AMOTL1: variants seen among roughly 807,000 people sequenced by gnomAD.
The protein encoded by AMOTL1 is angiomotin like 1.
A neutral mutation model predicts 102.9 loss-of-function variants in AMOTL1; 45 were observed. The observed-to-expected ratio is 0.44, with a 90% CI of 0.34 to 0.56. AMOTL1 has a LOEUF of 0.56. Ranked by LOEUF, AMOTL1 falls within the 20% of genes least tolerant of loss-of-function variation. AMOTL1 has a pLI of 0.01. For synonymous variants in AMOTL1, 481 were observed against 484.7 expected, an observed-to-expected ratio of 0.99 and a Z score of 0.10; for missense variants, 1,114 against 1,225.6, an observed-to-expected ratio of 0.91 and a Z score of 1.36.
At chr11:94,740,558 C>T (rs1045457684) in intron 2 of AMOTL1, among the ~76,000 whole-genome samples, 1 of 151,534 alleles carries the variant, frequency 6.6e-6, no homozygotes, top group African/African-American at 2.4e-5. Flanking sequence ...CTTCGCGGCT[C>T]CTCGGCGCTG....
intron 9 of AMOTL1, among the ~76,000 whole-genome samples, chr11:94,863,588 A>T (rs796601): frequency 6.6e-6 from 1 of 151,576 alleles, no homozygotes; most frequent in East Asian, 2.1e-4. Flanking sequence ...ATGAAACTCC[A>T]TCTCAAAAAA....
At chr11:94,800,858 C>G (rs913099168) in intron 3 of AMOTL1, among the ~76,000 whole-genome samples, 2 of 152,168 alleles carry the variant, frequency 1.3e-5, no homozygotes, top group African/African-American at 2.4e-5. Flanking sequence ...AGTATCCTGA[C>G]TGCCAAAATC....
chr11:94,849,490 C>T (rs1952485507), intron 6 of AMOTL1, among the ~76,000 whole-genome samples: 2 of 152,146 alleles, frequency 1.3e-5, no homozygotes, highest in African/African-American at 2.4e-5. Flanking sequence ...GCAGTGATCG[C>T]CATCATTACA....
At position 94,869,460 on chromosome 11, in the gene AMOTL1, C is replaced by A; in HGVS notation, c.2751C>A (p.Thr917=). 6.3e-7 allele frequency: 1 copy of A among 1,599,516 alleles called. No individual in the cohort carries two copies. The highest frequency in any genetic ancestry group is 8.5e-7 in the Non-Finnish European group (1 of 1,173,042). ...TGAAACACCCAGCGGCCAAAGGGAC[C>A]GCAGAGAAACTGGGTATGTGGGCTA... ...PVLKHPAAKG[T]AEKLENSPGH... is the part of the protein sequence containing the mutation. The change falls in exon 12 of 13, where the codon ACC becomes ACA. Residue 917 remains threonine (T), a synonymous_variant. Transcript: ENST00000433060.
Position 94,831,489 on chromosome 11 carries a change from G to A in AMOTL1, c.1596G>A (p.Arg532=), listed in dbSNP as rs769741759. 2 of 1,613,766 alleles carry A rather than the reference G, an allele frequency of 1.2e-6. No homozygotes were observed. Among genetic ancestry groups the A allele is most frequent in the East Asian group, 2.2e-5 (1 of 44,900 alleles). ...CTGCTAACAGGCAACTATCCAGCAG[G>A]GAATACGAAGGGCATGAAGACAAAG... ...LETANRQLSS[R]EYEGHEDKAA... Residue 532 remains arginine, a synonymous_variant, in exon 6 of 13, where the codon AGG becomes AGA. Coordinates refer to ENST00000433060, the MANE Select transcript of AMOTL1 (RefSeq NM_130847.3).
chr11:94,850,316 T>G, intron 7 of AMOTL1, 57 bp downstream of exon 7: 1 of 1,504,996 alleles, frequency 6.6e-7, no homozygotes, highest in South Asian at 1.3e-5. Flanking sequence ...CCCAGAGGGC[T>G]TCCACTTTCT....
intron 1 of AMOTL1, among the ~76,000 whole-genome samples, chr11:94,723,116 T>G (rs1433545732): frequency 6.6e-6 from 1 of 152,144 alleles, no homozygotes; most frequent in Non-Finnish European, 1.5e-5. Flanking sequence ...GCTGTAGGTA[T>G]GTCAGTCTCC....
At chr11:94,850,033 C>G (rs1952498651) in intron 6 of AMOTL1, 81 bp from the exon 7 acceptor site, 2 of 1,422,592 alleles carry the variant, frequency 1.4e-6, no homozygotes, top group Non-Finnish European at 1.9e-6. Context: ...ATTTTTAATC[C>G]TTGCCAGATG....
At chr11:94,837,736 A>C (rs7127136) in intron 6 of AMOTL1, among the ~76,000 whole-genome samples, 36,652 of 152,150 alleles carry the variant, frequency 0.24, 4,967 homozygotes, top group Admixed American at 0.43. Context: ...AGAAGTGCCT[A>C]TTGGTCATGT....
intron 1 of AMOTL1, among the ~76,000 whole-genome samples, chr11:94,712,983 A>C (rs1353227346): frequency 6.6e-6 from 1 of 151,900 alleles, no homozygotes; most frequent in Non-Finnish European, 1.5e-5. Flanking sequence ...TTAGGTCTTT[A>C]ATCTATTTTG....
At chr11:94,775,084 G>T (rs1469664479) in intron 1 of AMOTL1, among the ~76,000 whole-genome samples, 2 of 152,180 alleles carry the variant, frequency 1.3e-5, no homozygotes, top group African/African-American at 2.4e-5. Flanking sequence ...TAAGGTTATT[G>T]TGTGGCTTAA....
chr11:94,741,033 C>A (rs1170600927), intron 3 of AMOTL1: 2 of 1,274,820 alleles, frequency 1.6e-6, no homozygotes, highest in East Asian at 1.1e-4. Context: ...CGCAATTCTG[C>A]CCGAGAACTG....
intron 1 of AMOTL1, among the ~76,000 whole-genome samples, chr11:94,771,478 A>G (rs1950950688): frequency 6.6e-6 from 1 of 152,162 alleles, no homozygotes. Flanking sequence ...TTTGTTGGAA[A>G]TAGTCTGAGG....
intron 3 of AMOTL1, among the ~76,000 whole-genome samples, chr11:94,762,792 GT>G: frequency 6.6e-6 from 1 of 152,102 alleles, no homozygotes; most frequent in East Asian, 1.9e-4. Context: ...AGTTTCTTGT[GT>G]TTATATAGAT....
chr11:94,849,801 T>A (rs1031905656), intron 6 of AMOTL1, among the ~76,000 whole-genome samples: 2 of 152,140 alleles, frequency 1.3e-5, no homozygotes, highest in Non-Finnish European at 2.9e-5. Flanking sequence ...TAAAATGTAA[T>A]AGTAGATACA....
intron 2 of AMOTL1, among the ~76,000 whole-genome samples, chr11:94,731,399 T>C (rs1448622264): frequency 6.6e-6 from 1 of 152,078 alleles, no homozygotes; most frequent in Non-Finnish European, 1.5e-5. Flanking sequence ...CAGCTGATAC[T>C]AAGGTGGTTC....
chr11:94,823,054 G>A (rs11825607), intron 4 of AMOTL1, among the ~76,000 whole-genome samples: 6,094 of 152,226 alleles, frequency 0.04, 406 homozygotes, highest in African/African-American at 0.14. Flanking sequence ...TTAATGCTCC[G>A]GCTGGCCGAT....
chr11:94,740,821 G>C, intron 2 of AMOTL1: 1 of 798,256 alleles, frequency 1.3e-6, no homozygotes, highest in Non-Finnish European at 1.8e-6. Flanking sequence ...GGGATTCTGA[G>C]CGCTGGGAGA....
intron 1 of AMOTL1, among the ~76,000 whole-genome samples, chr11:94,723,275 A>C (rs901784121): frequency 6.6e-6 from 1 of 152,124 alleles, no homozygotes; most frequent in Non-Finnish European, 1.5e-5. Flanking sequence ...CATTGTCCTA[A>C]TGGAATATAA....
Sources: allele counts gnomAD v4.1 joint callset (sites outside exome capture counted in the v4.1 genomes callset), GRCh38; gene constraint gnomAD v4.1.1; transcripts MANE v1.5; gene names NCBI Gene and HGNC (gene_info 2026-07-23, HGNC 2026-07-21).